The following MPHOSPH10 variants were observed in gnomAD, a reference collection of about 807,000 sequenced individuals.
MPHOSPH10 encodes U3 small nucleolar ribonucleoprotein MPP10.
Under a neutral mutation model 77.3 loss-of-function variants are expected in MPHOSPH10, and 33 were observed. That is an observed-to-expected ratio of 0.43 (90% CI 0.32 to 0.57). The LOEUF (loss-of-function observed/expected upper bound fraction) is 0.57, where lower values mean the gene tolerates loss of function less well. MPHOSPH10 is among the 20% of genes least tolerant of loss of function. The pLI is 0.07. For missense variants in MPHOSPH10, 708 were observed against 780.1 expected, an observed-to-expected ratio of 0.91 and a Z score of 1.10; for synonymous variants, 245 against 268.0, an observed-to-expected ratio of 0.91 and a Z score of 0.84.
intron 2 of MPHOSPH10, 114 bp downstream of exon 2, chr2:71,133,690 C>T: frequency 1.7e-6 from 2 of 1,169,240 alleles, no homozygotes; most frequent in Non-Finnish European, 2.4e-6. Flanking sequence ...ATATTGTGCT[C>T]TATCTTATCA....
At chr2:71,137,836 G>A (rs1453800356) in intron 4 of MPHOSPH10, among the ~76,000 whole-genome samples, 1 of 152,092 alleles carries the variant, frequency 6.6e-6, no homozygotes, top group Non-Finnish European at 1.5e-5. Flanking sequence ...ATACACTGAA[G>A]TCATCATTGT....
rs779781511 is a variant in MPHOSPH10, at chr2:71,149,303, A to G, written c.1746A>G (p.Lys582=). Residue 582 remains lysine (K), a synonymous_variant, in exon 10 of 11, where the codon AAA becomes AAG. Transcript: ENST00000244230. The part of the protein sequence containing the change: ...TDKKRERRKK[K]YQKRMKIKEK... ...AGAAACGAGAGCGAAGGAAAAAGAA[A>G]TATCAAAAGCGTATGAAAATAAAAG... 9 of 1,610,914 alleles carry G rather than the reference A, an allele frequency of 5.6e-6. No homozygotes were observed. Among genetic ancestry groups the G allele is most frequent in the Admixed American group, 5.0e-5 (3 of 59,704 alleles).
At chr2:71,143,461 T>G (rs1347756270) in intron 7 of MPHOSPH10, among the ~76,000 whole-genome samples, 2 of 152,166 alleles carry the variant, frequency 1.3e-5, no homozygotes, top group Non-Finnish European at 2.9e-5. Flanking sequence ...TTTTTTCTTT[T>G]TAATTGATGT....
Position 71,134,018 on chromosome 2 carries a change from C to T in MPHOSPH10, c.839C>T (p.Thr280Ile). 1.2e-6 allele frequency: 2 copies of T among 1,606,532 alleles called. No homozygotes were observed. Among genetic ancestry groups the T allele is most frequent in the Non-Finnish European group, 1.7e-6 (2 of 1,175,986 alleles). Residue 280 changes from threonine to isoleucine, a missense_variant, in exon 3 of 11, where the codon ACA (threonine) becomes ATA (isoleucine). By Grantham distance (89) the Thr-to-Ile change is moderately conservative (BLOSUM62 -1). Around this residue, in one of 3 missense-constraint regions of MPHOSPH10, gnomAD observed 433 missense variants for 432.6 expected, o/e 1.00. Transcript: ENST00000244230. Reference protein sequence around the residue: ...FDPVESDEDITNVHDDELDSN... With the variant: ...FDPVESDEDIINVHDDELDSN... ...CCAGTTGAAAGTGATGAAGACATAA[C>T]AAATGTTCATGATGATGAGCTGGAT...
At chr2:71,135,439 C>T (rs970472438) in intron 4 of MPHOSPH10, among the ~76,000 whole-genome samples, 5 of 150,676 alleles carry the variant, frequency 3.3e-5, no homozygotes, top group African/African-American at 7.3e-5. Context: ...CCCAGCTAAT[C>T]GGGAGGCTGA....
intron 1 of MPHOSPH10, among the ~76,000 whole-genome samples, chr2:71,132,532 GTTTTCCT>G (rs1558751743): frequency 6.6e-6 from 1 of 152,206 alleles, no homozygotes; most frequent in African/African-American, 2.4e-5. Context: ...TCTAAGAGAG[GTTTTCCT>G]TGACCACTGT....
rs185435015 is a variant in MPHOSPH10, at chr2:71,146,430, A to C, written c.1558-1569A>C. Among the ~76,000 whole-genome samples the C allele has an allele frequency of 1.6e-3, 229 of 147,230 alleles. 1 individual carries two copies. The highest frequency in any genetic ancestry group is 5.4e-3 in the African/African-American group (217 of 40,022). Reference sequence around the variant, plus strand: ...GGCTCACTGCAACCTCTGCCTCCCAAGTTTAAGCGATTCTCCTGCCTCGGC... The same window carrying C: ...GGCTCACTGCAACCTCTGCCTCCCACGTTTAAGCGATTCTCCTGCCTCGGC... On this transcript the variant is annotated intron_variant, in intron 8 of 10. Coordinates refer to ENST00000244230, the MANE Select transcript of MPHOSPH10 (RefSeq NM_005791.3).
Position 71,133,497 on chromosome 2 carries a change from A to G in MPHOSPH10, c.689A>G (p.Glu230Gly), listed in dbSNP as rs758285072. The G allele has an allele frequency of 6.2e-7, 1 of 1,613,124 alleles. No homozygotes were observed. Among genetic ancestry groups the G allele is most frequent in the East Asian group, 2.2e-5 (1 of 44,862 alleles). The change falls in exon 2 of 11, where the codon GAG becomes GGG. Residue 230 changes from glutamate (E) to glycine (G), a missense_variant. By Grantham distance (98) the Glu-to-Gly change is moderately conservative (BLOSUM62 -2). Coordinates refer to ENST00000244230, the MANE Select transcript of MPHOSPH10 (RefSeq NM_005791.3). ...GAACGAAAAGATGATAATGATGAGG[A>G]GGAGGAAGATATTGATTTTTTTGAA... Reference protein sequence around the residue: ...EEERKDDNDEEEEDIDFFEDI... With the variant: ...EEERKDDNDEGEEDIDFFEDI...
At chr2:71,132,099 C>A (rs1008284748) in intron 1 of MPHOSPH10, among the ~76,000 whole-genome samples, 1 of 152,178 alleles carries the variant, frequency 6.6e-6, no homozygotes, top group South Asian at 2.1e-4. Context: ...CTTTAGCAAT[C>A]CTGTCAGTTC....
chr2:71,144,244 C>T, intron 7 of MPHOSPH10, 184 bp from the exon 8 acceptor site: 1 of 525,108 alleles, frequency 1.9e-6, no homozygotes. Context: ...AAATGCACAT[C>T]ACATCTCTGG....
At position 71,141,372 on chromosome 2, in the gene MPHOSPH10, G is replaced by A. The variant is rs1157106396; in HGVS notation, c.1446+3G>A. The A allele has an allele frequency of 2.0e-6, 3 of 1,518,790 alleles. No individual in the cohort carries two copies. Among genetic ancestry groups the A allele is most frequent in the African/African-American group, 2.8e-5 (2 of 70,598 alleles). The allele number at this position is 1,518,790 out of a possible 1,614,324, so 94.1% of individuals were successfully genotyped here. A position where few individuals can be genotyped will look rare whatever the true frequency, so the allele number is the denominator to read the frequency against. On this transcript the variant is annotated splice_donor_region_variant and intron_variant, in intron 7 of 10. Transcript: ENST00000244230. ...AGGAGTACATCAAACTCAACCAGGT[G>A]AGGAAGCCTGTAAGGCCAAGCCATT...
intron 1 of MPHOSPH10, among the ~76,000 whole-genome samples, chr2:71,131,265 A>G (rs1249585365): frequency 1.3e-5 from 2 of 152,066 alleles, no homozygotes; most frequent in Non-Finnish European, 2.9e-5. Flanking sequence ...TCAAACCCCA[A>G]CCTTTCCCTG....
chr2:71,140,339 C>T (rs1290722207), intron 6 of MPHOSPH10, among the ~76,000 whole-genome samples: 2 of 152,068 alleles, frequency 1.3e-5, no homozygotes, highest in Non-Finnish European at 2.9e-5. Context: ...CCGCAGAGTC[C>T]CAAGGTGGTG....
rs1170941188 is a variant in MPHOSPH10, at chr2:71,134,654, G to T, written c.955G>T (p.Glu319Ter). The change falls in exon 4 of 11, where the codon GAA (glutamate) becomes TAA (stop). Residue 319 changes from glutamate (E) to a stop codon, truncating the protein, a stop_gained. Coordinates refer to ENST00000244230, the MANE Select transcript of MPHOSPH10 (RefSeq NM_005791.3). LOFTEE classifies it high-confidence loss of function. ...TGAAGATGATGACCTTCAAGAAAAT[G>T]AAGACAATAAACAACATAAAGAAAG... ...TDEDDDLQEN[E>*]DNKQHKESLK... is the part of the protein sequence containing the mutation. The T allele has an allele frequency of 1.2e-6, 2 of 1,604,968 alleles. No homozygotes were observed. Among genetic ancestry groups the T allele is most frequent in the Non-Finnish European group, 1.7e-6 (2 of 1,177,626 alleles).
intron 7 of MPHOSPH10, among the ~76,000 whole-genome samples, chr2:71,141,708 T>A (rs1214870440): frequency 6.6e-6 from 1 of 152,168 alleles, no homozygotes; most frequent in Admixed American, 6.6e-5. Context: ...TCATTCTGAT[T>A]TTTAGGTCTG....
chr2:71,140,924 A>G (rs769277155), intron 6 of MPHOSPH10, among the ~76,000 whole-genome samples: 2 of 152,168 alleles, frequency 1.3e-5, no homozygotes, highest in Non-Finnish European at 2.9e-5. Context: ...CCAGGTAGGA[A>G]GACTCATTTA....
chr2:71,146,000 G>T (rs1673699096), intron 8 of MPHOSPH10, among the ~76,000 whole-genome samples: 1 of 152,152 alleles, frequency 6.6e-6, no homozygotes, highest in Non-Finnish European at 1.5e-5. Context: ...CCTCATAGCT[G>T]CATTGCACAT....
chr2:71,138,889 G>T (rs565823400), intron 5 of MPHOSPH10: 3 of 603,696 alleles, frequency 5.0e-6, no homozygotes, highest in African/African-American at 3.7e-5. Context: ...ACAAAAATCA[G>T]CCAGATACGG....
chr2:71,136,526 A>G (rs2103666013), intron 4 of MPHOSPH10, among the ~76,000 whole-genome samples: 1 of 152,078 alleles, frequency 6.6e-6, no homozygotes, highest in East Asian at 1.9e-4. Context: ...AAAAATTAAA[A>G]AAAAAAAGAG....
Sources: allele counts gnomAD v4.1 joint callset (sites outside exome capture counted in the v4.1 genomes callset), GRCh38; gene constraint gnomAD v4.1.1; regional missense constraint gnomAD v4.1.1; transcripts MANE v1.5; gene names NCBI Gene and HGNC (gene_info 2026-07-23, HGNC 2026-07-21).